The following BBX variants were observed in gnomAD, a reference collection of about 807,000 sequenced individuals.
The protein encoded by BBX is HMG box transcription factor BBX.
Under a neutral mutation model 100.2 loss-of-function variants are expected in BBX, and 30 were observed. The observed-to-expected ratio is 0.30, with a 90% CI of 0.22 to 0.41. The LOEUF is 0.41. Among genes scored for constraint, BBX ranks in the 10% least tolerant of loss-of-function variants. BBX has a pLI of 1.00. For synonymous variants in BBX, 376 were observed against 388.1 expected (o/e 0.97, Z 0.37); for missense variants, 1,023 against 1,129.8 (o/e 0.91, Z 1.35).
At chr3:107,691,210 T>C (rs1256627032) in intron 3 of BBX, among the ~76,000 whole-genome samples, 4 of 152,064 alleles carry the variant, frequency 2.6e-5, no homozygotes, top group Non-Finnish European at 5.9e-5. Context: ...ACCTGGCCAC[T>C]CTCGTACTTT....
At chr3:107,545,002 C>T (rs1236908138) in intron 2 of BBX, among the ~76,000 whole-genome samples, 4 of 150,962 alleles carry the variant, frequency 2.6e-5, no homozygotes, top group Admixed American at 6.6e-5. Flanking sequence ...GGCAACAGAG[C>T]GAGACTCCGT....
chr3:107,811,246 G>A lies in BBX; in HGVS notation c.*5789G>A, dbSNP rs968774769. 4 of 152,050 alleles carry A rather than the reference G, an allele frequency of 2.6e-5. No homozygotes were observed. Among genetic ancestry groups the A allele is most frequent in the Non-Finnish European group, 4.4e-5 (3 of 68,006 alleles). 9.4% of individuals were successfully genotyped at this position (152,050 alleles called of 1,614,324 possible). ...TTTCTTTATGTTCACACTACTGGCCGTAGAGTATGTGCCTTTAATGTACCA... is the reference window on the plus strand; with the variant it reads ...TTTCTTTATGTTCACACTACTGGCCATAGAGTATGTGCCTTTAATGTACCA... On this transcript the variant is annotated 3_prime_UTR_variant, in exon 18 of 18. Transcript: ENST00000325805.
chr3:107,703,928 C>A (rs1043407061), intron 3 of BBX, among the ~76,000 whole-genome samples: 7 of 152,094 alleles, frequency 4.6e-5, no homozygotes, highest in African/African-American at 1.7e-4. Context: ...TTAATGCTTC[C>A]TTTTGGTATT....
chr3:107,653,682 G>A (rs1407765394), intron 3 of BBX, among the ~76,000 whole-genome samples: 4 of 152,180 alleles, frequency 2.6e-5, no homozygotes, highest in African/African-American at 4.8e-5. Context: ...TTACCGTAAA[G>A]CAATTTATTA....
intron 2 of BBX, among the ~76,000 whole-genome samples, chr3:107,546,341 T>C (rs2049240172): frequency 6.6e-6 from 1 of 152,218 alleles, no homozygotes; most frequent in African/African-American, 2.4e-5. Context: ...TCTAGGAAAT[T>C]TTAGTTTGGG....
intron 5 of BBX, among the ~76,000 whole-genome samples, chr3:107,725,633 A>G (rs1448570836): frequency 6.6e-6 from 1 of 152,116 alleles, no homozygotes; most frequent in Non-Finnish European, 1.5e-5. Flanking sequence ...TACTGTGACA[A>G]AGGGTATTTG....
intron 3 of BBX, among the ~76,000 whole-genome samples, chr3:107,656,816 G>A (rs1321172216): frequency 6.6e-6 from 1 of 152,180 alleles, no homozygotes; most frequent in South Asian, 2.1e-4. Flanking sequence ...CAATGTCTAG[G>A]CACAAAAGAG....
chr3:107,559,878 G>A (rs2050353188), intron 2 of BBX, among the ~76,000 whole-genome samples: 1 of 152,110 alleles, frequency 6.6e-6, no homozygotes. Flanking sequence ...CCAAGTAGCT[G>A]GGACCACAGC....
At chr3:107,607,771 C>A (rs763062144) in intron 2 of BBX, among the ~76,000 whole-genome samples, 4 of 152,128 alleles carry the variant, frequency 2.6e-5, no homozygotes, top group African/African-American at 7.2e-5. Context: ...TGAGATAATA[C>A]CTCACTGTAA....
rs1316572421 is a variant in BBX at position 107,678,346 on chromosome 3, A to C, written c.-9-32106A>C. Among the ~76,000 whole-genome samples, 2 of 152,128 alleles carry C rather than the reference A, an allele frequency of 1.3e-5. 1 individual carries two copies. The highest frequency in any genetic ancestry group is 2.9e-5 in the Non-Finnish European group (2 of 68,020). On this transcript the variant is annotated intron_variant, in intron 3 of 17. Coordinates refer to ENST00000325805, the MANE Select transcript of BBX (RefSeq NM_001142568.3). Reference sequence around the variant, plus strand: ...TTAAAGCAGCATAGGTCAACCTAGCACAACATCTGGTTAATAGTAGGTTCT... The same window carrying C: ...TTAAAGCAGCATAGGTCAACCTAGCCCAACATCTGGTTAATAGTAGGTTCT...
At chr3:107,620,949 G>A (rs2055710295) in intron 2 of BBX, among the ~76,000 whole-genome samples, 1 of 150,038 alleles carries the variant, frequency 6.7e-6, no homozygotes, top group Admixed American at 6.6e-5. Context: ...TGTGTGGGGG[G>A]GTGGGGGGAG....
Position 107,716,607 on chromosome 3 carries a change from G to C in BBX, c.163G>C (p.Val55Leu). The C allele has an allele frequency of 6.2e-7, 1 of 1,613,200 alleles. No individual in the cohort carries two copies. Among genetic ancestry groups the C allele is most frequent in the Non-Finnish European group, 8.5e-7 (1 of 1,179,346 alleles). The change falls in exon 5 of 18, where the codon GTT becomes CTT. Residue 55 changes from valine (V) to leucine (L), a missense_variant and splice_region_variant. Physicochemically the swap from Val to Leu is conservative, Grantham distance 32 (BLOSUM62 1). This residue lies in a region of BBX where 229 missense variants were observed against 226.3 expected (regional missense o/e 1.01). Coordinates refer to ENST00000325805, the MANE Select transcript of BBX (RefSeq NM_001142568.3). ...EEDEEEDIDK[V>L]QLLGADGLEQ... ...CTGGCTTTGTTTTTGGTGGTAATAG[G>C]TTCAACTTCTTGGGGCCGATGGCCT... is the stretch of plus-strand genomic sequence containing the variant.
chr3:107,557,137 A>G (rs1157638288), intron 2 of BBX, among the ~76,000 whole-genome samples: 2 of 152,260 alleles, frequency 1.3e-5, no homozygotes, highest in African/African-American at 4.8e-5. Context: ...TATTGAGAAT[A>G]TACTACATGT....
At chr3:107,618,658 A>G (rs889830316) in intron 2 of BBX, among the ~76,000 whole-genome samples, 9 of 151,932 alleles carry the variant, frequency 5.9e-5, no homozygotes, top group African/African-American at 2.2e-4. Context: ...TGGATTATCT[A>G]TAAGTACGTT....
At chr3:107,715,757 A>G (rs192906126) in intron 4 of BBX, among the ~76,000 whole-genome samples, 1 of 152,382 alleles carries the variant, frequency 6.6e-6, no homozygotes, top group Non-Finnish European at 1.5e-5. Flanking sequence ...GTACTAGGGC[A>G]GTGGGAATGA....
At chr3:107,666,850 G>A (rs113983076) in intron 3 of BBX, among the ~76,000 whole-genome samples, 3,425 of 152,284 alleles carry the variant, frequency 0.022, 61 homozygotes, top group Middle Eastern at 0.041. Flanking sequence ...GATTACAGGG[G>A]CGAGCCACTG....
intron 7 of BBX, among the ~76,000 whole-genome samples, chr3:107,739,318 T>C (rs979272182): frequency 2.6e-5 from 4 of 152,200 alleles, no homozygotes; most frequent in Non-Finnish European, 5.9e-5. Context: ...AAAACTTTTA[T>C]TCCCTTCTCA....
In BBX at chr3:107,702,736, G is replaced by A. The variant is rs528212420; in HGVS notation, c.-9-7716G>A. Among the ~76,000 whole-genome samples the A allele has an allele frequency of 2.6e-5, 4 of 152,304 alleles. No individual in the cohort carries two copies. The South Asian group carries it at 6.2e-4, about 24-fold the overall frequency. ...AAAAATTATGGCACAGCCATTAAGTGTTGCAGTGATCAAAAAAGGTGCTCA... is the reference window on the plus strand; with the variant it reads ...AAAAATTATGGCACAGCCATTAAGTATTGCAGTGATCAAAAAAGGTGCTCA... On this transcript the variant is annotated intron_variant, in intron 3 of 17. Transcript: ENST00000325805.
chr3:107,810,601 C>T lies in BBX; in HGVS notation c.*5144C>T, dbSNP rs573346313. The T allele has an allele frequency of 6.6e-6, 1 of 152,250 alleles. No individual in the cohort carries two copies. The highest frequency in any genetic ancestry group is 2.1e-4 in the South Asian group (1 of 4,818). The allele number at this position is 152,250 out of a possible 1,614,324, so 9.4% of individuals were successfully genotyped here. A position where few individuals can be genotyped will look rare whatever the true frequency, so the allele number is the denominator to read the frequency against. ...CTGTGGCCCACCAGAGGGGTGGGCT[C>T]ATGTCCCCTGACTCCTCACATGAGT... On this transcript the variant is annotated 3_prime_UTR_variant, in exon 18 of 18. Coordinates refer to ENST00000325805, the MANE Select transcript of BBX (RefSeq NM_001142568.3).
Sources: allele counts gnomAD v4.1 joint callset (sites outside exome capture counted in the v4.1 genomes callset), GRCh38; gene constraint gnomAD v4.1.1; regional missense constraint gnomAD v4.1.1; transcripts MANE v1.5; gene names NCBI Gene and HGNC (gene_info 2026-07-23, HGNC 2026-07-21).